Variants in ASH1L observed in about 807,000 individuals in gnomAD.
ASH1L encodes ASH1 like histone lysine methyltransferase.
In ASH1L, 23 loss-of-function variants were observed where a neutral mutation model predicts 269.0. The ratio of observed to expected loss-of-function variants is 0.09; its 90% CI spans 0.06 to 0.12. The LOEUF (loss-of-function observed/expected upper bound fraction) is 0.12, where lower values mean the gene tolerates loss of function less well. Among genes scored for constraint, ASH1L ranks in the 10% least tolerant of loss-of-function variants. The probability of loss-of-function intolerance (pLI) is 1.00; values close to 1 mark genes in which losing one functional copy is unlikely to be tolerated. For synonymous variants in ASH1L, 1,187 were observed against 1,253.5 expected (o/e 0.95, Z 1.12); for missense variants, 2,912 against 3,567.8 (o/e 0.82, Z 4.68).
intron 1 of ASH1L, among the ~76,000 whole-genome samples, chr1:155,557,423 C>T (rs762748816): frequency 2.0e-4 from 31 of 151,796 alleles, no homozygotes; most frequent in Non-Finnish European, 4.1e-4. Flanking sequence ...TCACCATGCC[C>T]GGCTAATTTT....
At chr1:155,459,454 C>T (rs1467452019) in intron 4 of ASH1L, among the ~76,000 whole-genome samples, 1 of 152,166 alleles carries the variant, frequency 6.6e-6, no homozygotes, top group Non-Finnish European at 1.5e-5. Context: ...CCTCAGCCTC[C>T]CAAAGTGCTG....
chr1:155,386,583 G>A (rs558456018), intron 7 of ASH1L, among the ~76,000 whole-genome samples: 5 of 145,876 alleles, frequency 3.4e-5, no homozygotes, highest in East Asian at 2.1e-4. Flanking sequence ...TAGTAGAGAC[G>A]GGGTTTCACC....
In ASH1L at chr1:155,444,642, G is replaced by A. The variant is rs1662859209; in HGVS notation, c.5087-5574C>T. On this transcript the variant is annotated intron_variant, in intron 4 of 27. Transcript: ENST00000392403. ...CTGTTTGTTTGTTTTCTGAGATGAA[G>A]TCTCGCTTTATCACCCAGGCCGGAG... Among the ~76,000 whole-genome samples the A allele has an allele frequency of 2.0e-5, 3 of 152,006 alleles. No homozygotes were observed. In the South Asian group the frequency reaches 6.2e-4, roughly 32 times the overall value.
chr1:155,354,695 C>A, intron 15 of ASH1L, 65 bp from the exon 16 acceptor site: 1 of 1,491,978 alleles, frequency 6.7e-7, no homozygotes, highest in Non-Finnish European at 9.1e-7. Context: ...TACATGTCTA[C>A]TCTATGGAAG....
intron 25 of ASH1L, among the ~76,000 whole-genome samples, chr1:155,341,396 T>TCA (rs1558011909): frequency 6.6e-6 from 1 of 152,148 alleles, no homozygotes; most frequent in African/African-American, 2.4e-5. Flanking sequence ...CAGGATGGTC[T>TCA]TGATCTCCTG....
intron 25 of ASH1L, 44 bp downstream of exon 25, chr1:155,341,892 C>A: frequency 6.3e-7 from 1 of 1,579,446 alleles, no homozygotes; most frequent in Non-Finnish European, 8.7e-7. Context: ...ATGCATGAAC[C>A]AGATTGTCCT....
At position 155,436,452 on chromosome 1, in the gene ASH1L, A is replaced by G. The variant is rs186102551; in HGVS notation, c.5828+1875T>C. ...GGTGATCCAGCTGCCTCAGCCTCCCAAAGTGCTGGGATTACAGGCGTGAGC... is the reference window on the plus strand; with the variant it reads ...GGTGATCCAGCTGCCTCAGCCTCCCGAAGTGCTGGGATTACAGGCGTGAGC... On this transcript the variant is annotated intron_variant, in intron 5 of 27. Transcript: ENST00000392403. 1.8e-3 allele frequency among the ~76,000 whole-genome samples: 273 copies of G among 149,028 alleles called. 2 individuals carry two copies. The highest frequency in any genetic ancestry group is 6.5e-3 in the African/African-American group (264 of 40,506).
intron 7 of ASH1L, among the ~76,000 whole-genome samples, chr1:155,391,178 T>TC (rs1657900093): frequency 6.6e-6 from 1 of 152,090 alleles, no homozygotes; most frequent in Admixed American, 6.5e-5. Flanking sequence ...ACTCCTGACC[T>TC]CAGGTGATCC....
At chr1:155,337,819 TAAGG>T in intron 27 of ASH1L, 68 bp from the exon 28 acceptor site, 1 of 1,423,934 alleles carries the variant, frequency 7.0e-7, no homozygotes, top group Non-Finnish European at 9.9e-7. Context: ...ATTTGAGCTC[TAAGG>T]AGAGCACACG....
chr1:155,365,914 T>C (rs1655380791), intron 12 of ASH1L, among the ~76,000 whole-genome samples: 1 of 152,146 alleles, frequency 6.6e-6, no homozygotes, highest in African/African-American at 2.4e-5. Context: ...CTGAAGAAAT[T>C]ACTAAAGATG....
At position 155,479,091 on chromosome 1, in the gene ASH1L, A is replaced by C; in HGVS notation, c.3779T>G (p.Leu1260Arg). Residue 1260 changes from leucine (L) to arginine (R), a missense_variant, in exon 3 of 28, where the codon CTC (leucine) becomes CGC (arginine). Leu to Arg is a moderately radical substitution (Grantham distance 102). Coordinates refer to ENST00000392403, the MANE Select transcript of ASH1L (RefSeq NM_018489.3). ...HKCKRRNHDY[L>R]SYDKMKRQKR... ...CTGCCTTTTCATCTTGTCATAGCTG[A>C]GGTAATCATGATTCCTGCGCTTACA... 1 of 1,614,064 alleles carries C rather than the reference A, an allele frequency of 6.2e-7. No individual in the cohort carries two copies. Among genetic ancestry groups the C allele is most frequent in the Non-Finnish European group, 8.5e-7 (1 of 1,180,028 alleles).
intron 12 of ASH1L, among the ~76,000 whole-genome samples, chr1:155,362,351 G>C (rs2148390231): frequency 6.6e-6 from 1 of 151,182 alleles, no homozygotes; most frequent in South Asian, 2.1e-4. Context: ...AGGTGTTCAG[G>C]AGTTTGTGAC....
chr1:155,501,804 AG>A (rs1370928877), intron 2 of ASH1L, among the ~76,000 whole-genome samples: 1 of 152,034 alleles, frequency 6.6e-6, no homozygotes, highest in African/African-American at 2.4e-5. Flanking sequence ...CTGAGACTAC[AG>A]GCACACGCCA....
At chr1:155,353,515 A>AT (rs1229224382) in intron 16 of ASH1L, among the ~76,000 whole-genome samples, 1 of 152,202 alleles carries the variant, frequency 6.6e-6, no homozygotes, top group African/African-American at 2.4e-5. Context: ...ATTAAAAAAA[A>AT]GAGCATGATC....
chr1:155,562,353 AGG>A lies in ASH1L; in HGVS notation c.-302_-301del, dbSNP rs1292290802. The stretch of plus-strand genomic sequence containing the variant: ...GTGGAAGGCTAAAGGGGGCAAACTG[AGG>A]GGAGGCGGGTCCCGCAACCGAGACT... On this transcript the variant is annotated 5_prime_UTR_variant, in exon 1 of 28. Transcript: ENST00000392403. The A allele has an allele frequency of 5.9e-6, 9 of 1,536,174 alleles. No individual in the cohort carries two copies. The highest frequency in any genetic ancestry group is 1.4e-5 in the African/African-American group (1 of 73,142).
Position 155,562,355 on chromosome 1 carries a change from G to T in ASH1L, c.-302C>A. On this transcript the variant is annotated 5_prime_UTR_variant, in exon 1 of 28. Transcript: ENST00000392403. ...GGAAGGCTAAAGGGGGCAAACTGAG[G>T]GGAGGCGGGTCCCGCAACCGAGACT... 6.5e-7 allele frequency: 1 copy of T among 1,533,576 alleles called. No homozygotes were observed. Among genetic ancestry groups the T allele is most frequent in the Non-Finnish European group, 8.9e-7 (1 of 1,123,896 alleles). 95.0% of individuals were successfully genotyped at this position (1,533,576 alleles called of 1,614,324 possible).
At chr1:155,551,442 C>T (rs1449881861) in intron 1 of ASH1L, among the ~76,000 whole-genome samples, 2 of 151,672 alleles carry the variant, frequency 1.3e-5, no homozygotes, top group Admixed American at 6.6e-5. Context: ...GGGCGGATCA[C>T]GAGGTCAGGA....
intron 4 of ASH1L, among the ~76,000 whole-genome samples, chr1:155,454,246 T>C (rs895953122): frequency 1.3e-5 from 2 of 152,218 alleles, no homozygotes; most frequent in African/African-American, 4.8e-5. Flanking sequence ...ATGGGTTGAA[T>C]GGTTTATGTA....
intron 2 of ASH1L, among the ~76,000 whole-genome samples, chr1:155,492,166 G>A (rs994608900): frequency 1.1e-4 from 16 of 151,166 alleles, no homozygotes; most frequent in Non-Finnish European, 1.3e-4. Flanking sequence ...CTCCCGAGTC[G>A]CTGGGATTAC....
Sources: gnomAD v4.1 joint callset for allele counts (sites outside exome capture counted in the v4.1 genomes callset) on GRCh38, gnomAD v4.1.1 for gene constraint, MANE v1.5 for transcripts, NCBI Gene and HGNC (gene_info 2026-07-23, HGNC 2026-07-21) for gene names.